Variants in NDRG4 observed in about 807,000 individuals in gnomAD.
The protein encoded by NDRG4 is protein NDRG4.
Under a neutral mutation model 55.8 loss-of-function variants are expected in NDRG4, and 38 were observed. The observed-to-expected ratio is 0.68, with a 90% CI of 0.53 to 0.89. The LOEUF (loss-of-function observed/expected upper bound fraction) is 0.89, where lower values mean the gene tolerates loss of function less well. NDRG4 is among the 40% of genes least tolerant of loss of function. The probability of loss-of-function intolerance (pLI) is 0.00; values close to 1 mark genes in which losing one functional copy is unlikely to be tolerated. For synonymous variants in NDRG4, 190 were observed against 182.7 expected (o/e 1.04, Z -0.32); for missense variants, 455 against 468.6 (o/e 0.97, Z 0.27).
intron 2 of NDRG4, among the ~76,000 whole-genome samples, chr16:58,491,504 A>C: frequency 6.7e-6 from 1 of 148,698 alleles, no homozygotes; most frequent in Admixed American, 6.8e-5. Flanking sequence ...TTTGTTGCCC[A>C]GGCTGGAATG....
chr16:58,509,245 C>G, intron 12 of NDRG4, 56 bp downstream of exon 12: 1 of 1,613,910 alleles, frequency 6.2e-7, no homozygotes, highest in Non-Finnish European at 8.5e-7. Context: ...AGCCTCTACC[C>G]TACCTGCTAA....
chr16:58,491,358 C>G (rs1020450996), intron 2 of NDRG4, among the ~76,000 whole-genome samples: 2 of 152,200 alleles, frequency 1.3e-5, no homozygotes, highest in African/African-American at 4.8e-5. Flanking sequence ...TACCCCCTCT[C>G]TCTGTCTTCA....
intron 1 of NDRG4, chr16:58,500,746 C>A: frequency 2.4e-6 from 1 of 417,444 alleles, no homozygotes. Flanking sequence ...CGTGCCGGGT[C>A]TGTGCGTGCA....
intron 5 of NDRG4, chr16:58,506,133 C>CGT (rs113481456): frequency 0.049 from 26,036 of 536,100 alleles, 397 homozygotes; most frequent in Middle Eastern, 0.069. Flanking sequence ...GTTGAAAGAG[C>CGT]GTGTGTGTGT....
At chr16:58,479,249 C>T (rs1345898715) in intron 1 of NDRG4, among the ~76,000 whole-genome samples, 1 of 151,994 alleles carries the variant, frequency 6.6e-6, no homozygotes, top group Non-Finnish European at 1.5e-5. Flanking sequence ...TTCTTAATTG[C>T]ATATTTTAGA....
At chr16:58,508,100 C>A in intron 10 of NDRG4, 101 bp downstream of exon 10, 1 of 1,109,480 alleles carries the variant, frequency 9.0e-7, no homozygotes, top group Non-Finnish European at 1.3e-6. Flanking sequence ...CCCAGGGGAG[C>A]CTCCAGGGCC....
intron 1 of NDRG4, among the ~76,000 whole-genome samples, chr16:58,471,824 A>G (rs1021494061): frequency 3.3e-4 from 50 of 151,664 alleles, no homozygotes; most frequent in African/African-American, 1.2e-3. Flanking sequence ...GGAAGGTGGG[A>G]CCCCAGCCTC....
In NDRG4 at chr16:58,511,657, T is replaced by C; in HGVS notation, c.*81T>C. On this transcript the variant is annotated 3_prime_UTR_variant, in exon 15 of 15. Transcript: ENST00000570248. ...CGGCTCATGTTCCCTTTAGTTTATT[T>C]TTGTGAGGGCAAAGGGGAGGAAATG... 6.4e-7 allele frequency: 1 copy of C among 1,561,396 alleles called. No individual in the cohort carries two copies. Among genetic ancestry groups the C allele is most frequent in the South Asian group, 1.1e-5 (1 of 89,742 alleles).
chr16:58,488,736 T>C (rs1276649940), intron 2 of NDRG4, among the ~76,000 whole-genome samples: 1 of 152,082 alleles, frequency 6.6e-6, no homozygotes, highest in African/African-American at 2.4e-5. Context: ...GATCCAGGGA[T>C]CCAACCACAT....
At chr16:58,480,485 C>G (rs957947529) in intron 1 of NDRG4, among the ~76,000 whole-genome samples, 6 of 152,258 alleles carry the variant, frequency 3.9e-5, no homozygotes, top group African/African-American at 1.4e-4. Context: ...CCAGCCCTGT[C>G]AAACAGCCTT....
rs2038822845 is a variant in NDRG4 at position 58,511,680 on chromosome 16, A to G, written c.*104A>G. The G allele has an allele frequency of 1.4e-6, 2 of 1,426,618 alleles. No homozygotes were observed. Among genetic ancestry groups the G allele is most frequent in the Admixed American group, 3.4e-5 (2 of 58,324 alleles). 88.4% of individuals were successfully genotyped at this position (1,426,618 alleles called of 1,614,324 possible). Reference sequence around the variant, plus strand: ...TTTTTGTGAGGGCAAAGGGGAGGAAATGGGGTTCTGTTTGAAAAAAATGAG... The same window carrying G: ...TTTTTGTGAGGGCAAAGGGGAGGAAGTGGGGTTCTGTTTGAAAAAAATGAG... On this transcript the variant is annotated 3_prime_UTR_variant, in exon 15 of 15. Transcript: ENST00000570248.
intron 14 of NDRG4, 141 bp from the exon 15 acceptor site, chr16:58,511,281 C>A: frequency 1.0e-6 from 1 of 967,054 alleles, no homozygotes; most frequent in Non-Finnish European, 1.5e-6. Flanking sequence ...CGACAGCTGT[C>A]GCCAGCCTCC....
At chr16:58,468,058 C>T (rs1049101498) in intron 1 of NDRG4, among the ~76,000 whole-genome samples, 4 of 152,198 alleles carry the variant, frequency 2.6e-5, no homozygotes, top group African/African-American at 9.7e-5. Flanking sequence ...GGCATGGCCT[C>T]AGGGGGTGGG....
chr16:58,470,759 T>A (rs1413493533), intron 1 of NDRG4, among the ~76,000 whole-genome samples: 1 of 151,840 alleles, frequency 6.6e-6, no homozygotes, highest in African/African-American at 2.4e-5. Context: ...ATACAAAAAT[T>A]AGCCAGGCAT....
chr16:58,505,430 AAAAC>A lies in NDRG4; in HGVS notation c.372+785_372+788del, dbSNP rs1391161635. Among the ~76,000 whole-genome samples, 476 of 149,848 alleles carry A rather than the reference AAAAC, an allele frequency of 3.2e-3. 6 individuals are homozygous for A. The highest frequency in any genetic ancestry group is 0.011 in the East Asian group (56 of 5,152). Reference sequence around the variant, plus strand: ...TCTCTAAAAACAAGCAAAAAAAAAAAAAACAAAAACCCAAAAGACTAATTTTTCA... The same window carrying A: ...TCTCTAAAAACAAGCAAAAAAAAAAAAAAAACCCAAAAGACTAATTTTTCA... On this transcript the variant is annotated intron_variant, in intron 5 of 14. Transcript: ENST00000570248.
At chr16:58,499,970 T>C (rs999888315), upstream of NDRG4, 1 of 677,348 alleles carries the variant, frequency 1.5e-6, no homozygotes, top group African/African-American at 1.8e-5. Context: ...GTGACAGGGC[T>C]GGGGCAAGGA....
rs149441377 is a variant in NDRG4 at position 58,494,212 on chromosome 16, C to T, written c.73-752C>T. ...GTGGGTAGAACACGCACTAGCCAGA[C>T]TCAAACGGTTCACTGTGAAGTAAGC... On this transcript the variant is annotated intron_variant, in intron 2 of 15. Transcript: ENST00000258187. 3.3e-3 allele frequency among the ~76,000 whole-genome samples: 508 copies of T among 152,338 alleles called. 2 individuals are homozygous for T. The highest frequency in any genetic ancestry group is 5.6e-3 in the Non-Finnish European group (378 of 68,038).
At chr16:58,496,373 C>T (rs1460644922), upstream of NDRG4, among the ~76,000 whole-genome samples, 1 of 152,132 alleles carries the variant, frequency 6.6e-6, no homozygotes, top group East Asian at 1.9e-4. Flanking sequence ...CATTAAAAGG[C>T]ACCTTCCTGT....
intron 2 of NDRG4, among the ~76,000 whole-genome samples, chr16:58,494,099 T>C (rs1243600994): frequency 6.6e-6 from 1 of 152,242 alleles, no homozygotes; most frequent in Non-Finnish European, 1.5e-5. Context: ...CATCCAGATC[T>C]GTTTGTGTCT....
Sources: allele counts gnomAD v4.1 joint callset (sites outside exome capture counted in the v4.1 genomes callset), GRCh38; gene constraint gnomAD v4.1.1; transcripts MANE v1.5; gene names NCBI Gene and HGNC (gene_info 2026-07-23, HGNC 2026-07-21).